The following PCCA variants were observed in gnomAD, a reference collection of about 807,000 sequenced individuals.
PCCA encodes propionyl-CoA carboxylase subunit alpha, also known as propionyl-CoA carboxylase alpha chain, mitochondrial.
PCCA carries 74 observed loss-of-function variants against 101.3 expected under a neutral mutation model. The ratio of observed to expected loss-of-function variants is 0.73; its 90% CI spans 0.61 to 0.89. PCCA has a LOEUF of 0.89. PCCA is among the 40% of genes least tolerant of loss of function. PCCA has a pLI of 0.00. For synonymous variants in PCCA, 294 were observed against 313.6 expected (o/e 0.94, Z 0.66); for missense variants, 891 against 907.0 (o/e 0.98, Z 0.23).
intron 7 of PCCA, 68 bp from the exon 8 acceptor site, chr13:100,235,774 G>T: frequency 2.0e-6 from 2 of 1,002,700 alleles, no homozygotes; most frequent in South Asian, 2.5e-5. Context: ...TGCAATATAT[G>T]ACTGCCCTAA....
At chr13:100,130,656 T>C (rs1395808951) in intron 4 of PCCA, among the ~76,000 whole-genome samples, 1 of 152,228 alleles carries the variant, frequency 6.6e-6, no homozygotes, top group Non-Finnish European at 1.5e-5. Flanking sequence ...AATCTTCCTG[T>C]AAATCAATGA....
chr13:100,490,910 AC>A (rs1347153966), intron 21 of PCCA: 4 of 152,294 alleles, frequency 2.6e-5, no homozygotes, highest in Admixed American at 1.3e-4. Context: ...AGGGCCCAGA[AC>A]CCTCTTACCC....
chr13:100,279,069 C>T (rs549893313), intron 12 of PCCA, among the ~76,000 whole-genome samples: 1 of 152,114 alleles, frequency 6.6e-6, no homozygotes, highest in Non-Finnish European at 1.5e-5. Context: ...CTGGGCCCCA[C>T]ACTGTGAGAA....
At chr13:100,390,471 A>C (rs1422010647) in intron 19 of PCCA, among the ~76,000 whole-genome samples, 2 of 152,196 alleles carry the variant, frequency 1.3e-5, no homozygotes, top group Admixed American at 6.5e-5. Context: ...ATGGCAGTTG[A>C]ACACGGGTTG....
chr13:100,143,851 C>T (rs536123256), intron 4 of PCCA, among the ~76,000 whole-genome samples: 4 of 152,112 alleles, frequency 2.6e-5, no homozygotes, highest in African/African-American at 9.6e-5. Context: ...AACTCATGGG[C>T]TCATGCAATC....
intron 21 of PCCA, among the ~76,000 whole-genome samples, chr13:100,459,932 G>A (rs1595996491): frequency 6.6e-6 from 1 of 152,300 alleles, no homozygotes; most frequent in East Asian, 1.9e-4. Context: ...CCTGTTAAGG[G>A]CGCTAATCCC....
At chr13:100,382,028 G>A (rs1259249939) in intron 19 of PCCA, among the ~76,000 whole-genome samples, 1 of 152,228 alleles carries the variant, frequency 6.6e-6, no homozygotes, top group Non-Finnish European at 1.5e-5. Flanking sequence ...CGGCTTAAGT[G>A]TTAACAGCTC....
chr13:100,189,524 A>C (rs1377424674), intron 6 of PCCA, among the ~76,000 whole-genome samples: 2 of 152,098 alleles, frequency 1.3e-5, no homozygotes, highest in Non-Finnish European at 2.9e-5. Context: ...TAGATTGCGA[A>C]GGTTTTCTCC....
chr13:100,335,018 A>G (rs1401133434), intron 17 of PCCA, among the ~76,000 whole-genome samples: 6 of 152,250 alleles, frequency 3.9e-5, no homozygotes, highest in African/African-American at 1.4e-4. Context: ...AAGAAAGAAG[A>G]TGCAAGGAAT....
At chr13:100,100,818 G>C (rs943529529) in intron 1 of PCCA, among the ~76,000 whole-genome samples, 1 of 149,310 alleles carries the variant, frequency 6.7e-6, no homozygotes, top group African/African-American at 2.5e-5. Flanking sequence ...ACAGTGTTTC[G>C]CTCTTTTTGC....
intron 6 of PCCA, among the ~76,000 whole-genome samples, chr13:100,178,196 C>T (rs963713424): frequency 1.1e-4 from 16 of 152,010 alleles, no homozygotes; most frequent in Non-Finnish European, 1.8e-4. Flanking sequence ...ATGGTTATTT[C>T]GATGTTGGGT....
At chr13:100,528,593 C>T (rs1160954393) in intron 23 of PCCA, among the ~76,000 whole-genome samples, 2 of 152,136 alleles carry the variant, frequency 1.3e-5, no homozygotes, top group African/African-American at 4.8e-5. Flanking sequence ...GAAGGGGCAG[C>T]GGGGATGTCA....
intron 19 of PCCA, among the ~76,000 whole-genome samples, chr13:100,376,342 G>C (rs1440995817): frequency 6.6e-6 from 1 of 152,254 alleles, no homozygotes; most frequent in Non-Finnish European, 1.5e-5. Flanking sequence ...ACCCACTTGA[G>C]GAGGCAGTCT....
intron 19 of PCCA, among the ~76,000 whole-genome samples, chr13:100,379,172 G>A (rs1756818954): frequency 6.6e-6 from 1 of 152,114 alleles, no homozygotes; most frequent in African/African-American, 2.4e-5. Flanking sequence ...ACTGTATAGT[G>A]TAGTCACTGT....
intron 19 of PCCA, among the ~76,000 whole-genome samples, chr13:100,399,481 C>G (rs2077214382): frequency 6.6e-6 from 1 of 152,154 alleles, no homozygotes; most frequent in Non-Finnish European, 1.5e-5. Flanking sequence ...AATTTGTAGA[C>G]TTGTAAATGT....
intron 19 of PCCA, among the ~76,000 whole-genome samples, chr13:100,418,221 C>T (rs2078506651): frequency 6.6e-6 from 1 of 152,226 alleles, no homozygotes; most frequent in South Asian, 2.1e-4. Context: ...AACTCTGCCT[C>T]CACCTTCCCT....
At chr13:100,109,066 A>G (rs922145985) in intron 2 of PCCA, among the ~76,000 whole-genome samples, 1 of 152,198 alleles carries the variant, frequency 6.6e-6, no homozygotes, top group African/African-American at 2.4e-5. Context: ...AGTTAGACAG[A>G]TAGGGGCACA....
chr13:100,151,228 A>G (rs1438871908), intron 4 of PCCA: 2 of 596,912 alleles, frequency 3.4e-6, no homozygotes, highest in African/African-American at 1.9e-5. Flanking sequence ...TTATTTGGAA[A>G]TTAGGCTCAT....
At chr13:100,327,463 T>A (rs1056270665) in intron 16 of PCCA, among the ~76,000 whole-genome samples, 1 of 152,248 alleles carries the variant, frequency 6.6e-6, no homozygotes, top group African/African-American at 2.4e-5. Flanking sequence ...TTTTGTTAAT[T>A]CATTTGCCTC....
Sources: gnomAD v4.1 joint callset for allele counts (sites outside exome capture counted in the v4.1 genomes callset) on GRCh38, gnomAD v4.1.1 for gene constraint, MANE v1.5 for transcripts, NCBI Gene and HGNC (gene_info 2026-07-23, HGNC 2026-07-21) for gene names.